FNIP1: variants seen among roughly 807,000 people sequenced by gnomAD.
FNIP1 encodes folliculin interacting protein 1.
Under a neutral mutation model 124.5 loss-of-function variants are expected in FNIP1, and 40 were observed. The observed-to-expected ratio is 0.32, with a 90% CI of 0.25 to 0.42. FNIP1 has a LOEUF of 0.42. Ranked by LOEUF, FNIP1 falls within the 10% of genes least tolerant of loss-of-function variation. The pLI, the probability that FNIP1 is intolerant of heterozygous loss-of-function variation, is 1.00. For missense variants in FNIP1, 1,176 were observed against 1,403.7 expected (o/e 0.84, Z 2.59); for synonymous variants, 472 against 470.6 (o/e 1.00, Z -0.04).
intron 10 of FNIP1, among the ~76,000 whole-genome samples, chr5:131,702,352 T>A (rs933782148): frequency 6.7e-5 from 10 of 149,938 alleles, no homozygotes; most frequent in African/African-American, 2.4e-4. Context: ...AATTTTTAAA[T>A]TTTTTTTTGT....
At chr5:131,667,580 TG>T (rs1205883363) in intron 15 of FNIP1, among the ~76,000 whole-genome samples, 11 of 151,710 alleles carry the variant, frequency 7.3e-5, no homozygotes, top group Non-Finnish European at 1.2e-4. Context: ...TTTTTTTGTT[TG>T]TTTGTTTGTT....
At chr5:131,796,784 C>A in intron 1 of FNIP1, 46 bp downstream of exon 1, 2 of 1,526,500 alleles carry the variant, frequency 1.3e-6, no homozygotes, top group Non-Finnish European at 1.8e-6. Flanking sequence ...GAGCCCGGAG[C>A]CCACAAGGCC....
At chr5:131,782,377 C>T (rs1348401277) in intron 1 of FNIP1, among the ~76,000 whole-genome samples, 1 of 151,910 alleles carries the variant, frequency 6.6e-6, no homozygotes, top group East Asian at 1.9e-4. Flanking sequence ...AGTGAAACCT[C>T]GACTCTACCA....
chr5:131,787,429 C>T (rs1356153741), intron 1 of FNIP1, among the ~76,000 whole-genome samples: 2 of 152,198 alleles, frequency 1.3e-5, no homozygotes, highest in Non-Finnish European at 2.9e-5. Flanking sequence ...CACACAGACA[C>T]CCCGCAGTAC....
At chr5:131,678,846 T>C (rs184897759) in intron 12 of FNIP1, among the ~76,000 whole-genome samples, 183 bp downstream of exon 12, 3 of 152,354 alleles carry the variant, frequency 2.0e-5, no homozygotes, top group African/African-American at 7.2e-5. Context: ...TTTTCACTGC[T>C]TTTCATTCAT....
At chr5:131,725,201 T>C (rs993196121) in intron 3 of FNIP1, among the ~76,000 whole-genome samples, 10 of 152,222 alleles carry the variant, frequency 6.6e-5, no homozygotes, top group African/African-American at 2.4e-4. Flanking sequence ...TTTGGTTCCA[T>C]ATGAAATTTA....
At chr5:131,786,172 T>C (rs983426345) in intron 1 of FNIP1, among the ~76,000 whole-genome samples, 2 of 152,224 alleles carry the variant, frequency 1.3e-5, no homozygotes, top group East Asian at 3.8e-4. Context: ...CTTTGTTAAA[T>C]GAATTAGAAC....
intron 1 of FNIP1, among the ~76,000 whole-genome samples, chr5:131,753,386 G>A (rs578182547): frequency 2.6e-5 from 4 of 152,120 alleles, no homozygotes; most frequent in African/African-American, 7.2e-5. Context: ...AACAAACTAC[G>A]ATATATTCCT....
chr5:131,796,688 C>T lies in FNIP1; in HGVS notation c.92+142G>A. The T allele has an allele frequency of 4.1e-6, 3 of 730,222 alleles. No homozygotes were observed. The East Asian group carries it at 8.7e-5, about 21-fold the overall frequency. The allele number at this position is 730,222 out of a possible 1,614,324, so 45.2% of individuals were successfully genotyped here. ...CCAACCCTTCGGCGCTAGCCCGCAG[C>T]CGGCTCCACCCCACCGAGGACCAGA... is the stretch of plus-strand genomic sequence containing the variant. On this transcript the variant is annotated intron_variant, in intron 1 of 17. Coordinates refer to ENST00000510461, the MANE Select transcript of FNIP1 (RefSeq NM_133372.3).
chr5:131,727,023 T>G (rs975958105), intron 3 of FNIP1, among the ~76,000 whole-genome samples: 1 of 152,232 alleles, frequency 6.6e-6, no homozygotes, highest in South Asian at 2.1e-4. Context: ...CTGTTTGTTA[T>G]GATTTCCATT....
At chr5:131,782,106 A>T (rs2149584615) in intron 1 of FNIP1, among the ~76,000 whole-genome samples, 1 of 152,172 alleles carries the variant, frequency 6.6e-6, no homozygotes, top group East Asian at 1.9e-4. Context: ...ATAAGCTAGG[A>T]TCACACCACT....
chr5:131,718,867 T>C, intron 5 of FNIP1, 119 bp downstream of exon 5: 2 of 750,644 alleles, frequency 2.7e-6, no homozygotes, highest in Non-Finnish European at 4.3e-6. Flanking sequence ...CATGAACTTT[T>C]AAACTTAAGG....
intron 2 of FNIP1, among the ~76,000 whole-genome samples, 169 bp from the exon 3 acceptor site, chr5:131,731,207 T>C (rs1426863300): frequency 6.6e-6 from 1 of 152,242 alleles, no homozygotes; most frequent in Non-Finnish European, 1.5e-5. Context: ...TTTTCTATTC[T>C]TTGTCTCATA....
intron 1 of FNIP1, among the ~76,000 whole-genome samples, chr5:131,781,083 G>A (rs1486952230): frequency 1.3e-5 from 2 of 152,198 alleles, no homozygotes; most frequent in East Asian, 3.8e-4. Context: ...GACAAAATAT[G>A]AATGGTCTGG....
intron 2 of FNIP1, among the ~76,000 whole-genome samples, chr5:131,738,463 T>C (rs1249384179): frequency 6.6e-6 from 1 of 152,126 alleles, no homozygotes; most frequent in Non-Finnish European, 1.5e-5. Context: ...GTCAATCTTT[T>C]ACTTTATGGC....
At chr5:131,720,229 G>A (rs1003270643) in intron 3 of FNIP1, among the ~76,000 whole-genome samples, 3 of 152,186 alleles carry the variant, frequency 2.0e-5, no homozygotes, top group African/African-American at 7.2e-5. Flanking sequence ...CAAGAAGGGT[G>A]CTAAGAATAC....
At chr5:131,788,594 G>A (rs545802893) in intron 1 of FNIP1, among the ~76,000 whole-genome samples, 4 of 151,432 alleles carry the variant, frequency 2.6e-5, no homozygotes, top group South Asian at 2.1e-4. Context: ...CCAGCTACTC[G>A]GGAGGCTGAG....
At chr5:131,688,416 T>C (rs981562859) in intron 11 of FNIP1, among the ~76,000 whole-genome samples, 3 of 151,890 alleles carry the variant, frequency 2.0e-5, no homozygotes, top group Non-Finnish European at 4.4e-5. Context: ...TAAAATCTTA[T>C]TAAACTCAGT....
intron 2 of FNIP1, among the ~76,000 whole-genome samples, chr5:131,739,829 A>AAAAAAAAAC: frequency 6.6e-6 from 1 of 151,414 alleles, no homozygotes; most frequent in African/African-American, 2.4e-5. Context: ...AAAAAAAAAA[A>AAAAAAAAAC]AAAAAAAACA....
Sources: allele counts gnomAD v4.1 joint callset (sites outside exome capture counted in the v4.1 genomes callset), GRCh38; gene constraint gnomAD v4.1.1; transcripts MANE v1.5; gene names NCBI Gene and HGNC (gene_info 2026-07-23, HGNC 2026-07-21).